Variants in CAST observed in about 807,000 individuals in gnomAD.
CAST encodes calpastatin, also known as MIR583 host.
CAST carries 76 observed loss-of-function variants against 119.6 expected under a neutral mutation model. The ratio of observed to expected loss-of-function variants is 0.64; its 90% CI spans 0.53 to 0.77. CAST has a LOEUF of 0.77. Among genes scored for constraint, CAST ranks in the 30% least tolerant of loss-of-function variants. The pLI is 0.00. For synonymous variants in CAST, 319 were observed against 331.6 expected, an observed-to-expected ratio of 0.96 and a Z score of 0.41; for missense variants, 953 against 946.5, an observed-to-expected ratio of 1.01 and a Z score of -0.09.
the CAST span, among the ~76,000 whole-genome samples, chr5:96,513,282 G>C: frequency 1.3e-5 from 2 of 152,160 alleles, no homozygotes; most frequent in African/African-American, 4.8e-5. Context: ...CTACCACAGC[G>C]AACAGAACAA....
chr5:96,204,055 A>G, the CAST span, among the ~76,000 whole-genome samples: 1 of 152,066 alleles, frequency 6.6e-6, no homozygotes, highest in African/African-American at 2.4e-5. Context: ...ATGAAAAGAC[A>G]TTGTGTTATT....
At chr5:96,602,542 A>G (rs1734722581) in intron 1 of CAST, among the ~76,000 whole-genome samples, 1 of 152,196 alleles carries the variant, frequency 6.6e-6, no homozygotes, top group Non-Finnish European at 1.5e-5. Context: ...ACCTGAGGTC[A>G]GAAGTCCGAG....
chr5:96,545,422 G>C (rs1745991886), intron 1 of CAST: 2 of 152,194 alleles, frequency 1.3e-5, no homozygotes, highest in African/African-American at 4.8e-5. Context: ...CATTCTTTCT[G>C]TGAGTTTACA....
At chr5:96,428,347 A>T in the CAST span, among the ~76,000 whole-genome samples, 2 of 152,174 alleles carry the variant, frequency 1.3e-5, no homozygotes, top group East Asian at 3.9e-4. Flanking sequence ...GTCCTAGGTA[A>T]CAAAAATTAT....
chr5:96,029,414 G>T, the CAST span, among the ~76,000 whole-genome samples: 3 of 152,024 alleles, frequency 2.0e-5, no homozygotes, highest in East Asian at 5.8e-4. Context: ...ATGTTTTATA[G>T]ATAGAATGAA....
At chr5:96,428,256 T>C in the CAST span, among the ~76,000 whole-genome samples, 1 of 152,140 alleles carries the variant, frequency 6.6e-6, no homozygotes, top group African/African-American at 2.4e-5. Flanking sequence ...CATACATATA[T>C]ATATATTTTC....
At chr5:96,040,279 C>T in the CAST span, among the ~76,000 whole-genome samples, 13 of 152,206 alleles carry the variant, frequency 8.5e-5, no homozygotes, top group South Asian at 2.1e-4. Flanking sequence ...TGGGCTGGGA[C>T]GATCGGGTTT....
At chr5:96,587,385 T>C (rs561127424) in intron 1 of CAST, among the ~76,000 whole-genome samples, 88 of 152,322 alleles carry the variant, frequency 5.8e-4, no homozygotes, top group African/African-American at 2.0e-3. Flanking sequence ...GGGGAGAATA[T>C]CCATTCTCCT....
At chr5:96,190,992 G>A in the CAST span, among the ~76,000 whole-genome samples, 2 of 152,154 alleles carry the variant, frequency 1.3e-5, no homozygotes, top group African/African-American at 4.8e-5. Flanking sequence ...TTGGTTTTCT[G>A]TTCCTGTATT....
At chr5:96,222,630 G>A in the CAST span, among the ~76,000 whole-genome samples, 1 of 151,842 alleles carries the variant, frequency 6.6e-6, no homozygotes, top group African/African-American at 2.4e-5. Context: ...GTCAGGATGT[G>A]GAGAAAAATA....
chr5:96,133,171 G>A, the CAST span, among the ~76,000 whole-genome samples: 1 of 152,028 alleles, frequency 6.6e-6, no homozygotes, highest in Admixed American at 6.6e-5. Context: ...GAATAAAGTA[G>A]AAAAGAATAA....
the CAST span, among the ~76,000 whole-genome samples, chr5:96,283,137 A>AAAAAAAAAAAAAAAAAAAG: frequency 2.3e-5 from 3 of 132,978 alleles, no homozygotes; most frequent in African/African-American, 5.8e-5. Context: ...CTCAAAAAAA[A>AAAAAAAAAAAAAAAAAAAG]AAAAAAAAGA....
At chr5:96,558,946 C>T (rs1165057554) in intron 1 of CAST, among the ~76,000 whole-genome samples, 1 of 151,842 alleles carries the variant, frequency 6.6e-6, no homozygotes, top group Non-Finnish European at 1.5e-5. Flanking sequence ...AACATTGATG[C>T]AAAAATCCTC....
chr5:96,514,262 C>T, the CAST span, among the ~76,000 whole-genome samples: 1 of 152,160 alleles, frequency 6.6e-6, no homozygotes, highest in East Asian at 1.9e-4. Flanking sequence ...GTTAACATTA[C>T]GTAGGACAAA....
chr5:96,619,257 A>T (rs1747538191), intron 1 of CAST, among the ~76,000 whole-genome samples: 1 of 150,836 alleles, frequency 6.6e-6, no homozygotes, highest in Admixed American at 6.6e-5. Context: ...TCTAGTGGGG[A>T]TTTGGAGAAC....
At chr5:96,318,603 C>T in the CAST span, 1 of 152,148 alleles carries the variant, frequency 6.6e-6, no homozygotes, top group Non-Finnish European at 1.5e-5. Flanking sequence ...GCTTGTTCTC[C>T]CAGGCATGCT....
At chr5:96,643,403 G>A (rs1299881471) in intron 1 of CAST, among the ~76,000 whole-genome samples, 1 of 152,192 alleles carries the variant, frequency 6.6e-6, no homozygotes, top group Non-Finnish European at 1.5e-5. Flanking sequence ...TATGGCTGGT[G>A]AGGGGACAGA....
chr5:96,533,038 TAA>T (rs1554066148), intron 1 of CAST, among the ~76,000 whole-genome samples: 1 of 124,470 alleles, frequency 8.0e-6, no homozygotes, highest in Non-Finnish European at 1.8e-5. Flanking sequence ...AAAAAAAAAA[TAA>T]AAATAAAAAT....
intron 1 of CAST, among the ~76,000 whole-genome samples, chr5:96,552,046 C>A (rs1746140871): frequency 6.6e-6 from 1 of 152,154 alleles, no homozygotes; most frequent in African/African-American, 2.4e-5. Context: ...ACGACTTGAA[C>A]TCAGCTCTGA....
Sources: allele counts gnomAD v4.1 joint callset (sites outside exome capture counted in the v4.1 genomes callset), GRCh38; gene constraint gnomAD v4.1.1; transcripts MANE v1.5; gene names NCBI Gene and HGNC (gene_info 2026-07-23, HGNC 2026-07-21).